Variants in GCNT2 observed in about 807,000 individuals in gnomAD.
GCNT2 encodes glucosaminyl (N-acetyl) transferase 2 (I blood group), also known as N-acetyllactosaminide beta-1,6-N-acetylglucosaminyl-transferase.
Under a neutral mutation model 34.2 loss-of-function variants are expected in GCNT2, and 34 were observed. The ratio of observed to expected loss-of-function variants is 1.00; its 90% CI spans 0.76 to 1.32. GCNT2 has a LOEUF of 1.32. Among genes scored for constraint, GCNT2 ranks in the 40% most tolerant of loss-of-function variants. The pLI, the probability that GCNT2 is intolerant of heterozygous loss-of-function variation, is 0.00. For synonymous variants in GCNT2, 212 were observed against 188.0 expected (o/e 1.13, Z -1.04); for missense variants, 584 against 489.4 (o/e 1.19, Z -1.82).
At chr6:10,581,820 C>G in intron 3 of GCNT2, 3 of 984,806 alleles carry the variant, frequency 3.0e-6, no homozygotes, top group Non-Finnish European at 3.6e-6. Flanking sequence ...TCCACAAGAC[C>G]TGCCAAGGAC....
chr6:10,565,796 T>C (rs542699390), intron 3 of GCNT2, among the ~76,000 whole-genome samples: 8 of 152,148 alleles, frequency 5.3e-5, no homozygotes, highest in Non-Finnish European at 1.2e-4. Context: ...CGTCTACCCT[T>C]CTTCTTTCTC....
intron 3 of GCNT2, among the ~76,000 whole-genome samples, chr6:10,611,665 CA>C (rs1765563204): frequency 6.6e-6 from 1 of 152,162 alleles, no homozygotes; most frequent in Middle Eastern, 3.4e-3. Flanking sequence ...CCCAAATTAG[CA>C]ATCAGAATAA....
intron 3 of GCNT2, among the ~76,000 whole-genome samples, chr6:10,564,060 T>G (rs1007540304): frequency 6.6e-6 from 1 of 152,108 alleles, no homozygotes; most frequent in Non-Finnish European, 1.5e-5. Context: ...CATCCTGATA[T>G]TCAGCCCATT....
chr6:10,585,032 A>AGT (rs57538079), intron 3 of GCNT2, among the ~76,000 whole-genome samples: 7,986 of 127,366 alleles, frequency 0.063, 255 homozygotes, highest in Non-Finnish European at 0.082. Flanking sequence ...TCCCATAGTC[A>AGT]GTGTGTGTGT....
chr6:10,553,578 C>G (rs1243643782), intron 3 of GCNT2, among the ~76,000 whole-genome samples: 2 of 152,200 alleles, frequency 1.3e-5, no homozygotes, highest in East Asian at 3.8e-4. Context: ...CTATGTTCTA[C>G]ATATCATCCT....
chr6:10,596,754 A>G (rs573718566), intron 3 of GCNT2, among the ~76,000 whole-genome samples: 1 of 151,696 alleles, frequency 6.6e-6, no homozygotes, highest in South Asian at 2.1e-4. Context: ...AAAGACAATG[A>G]GTCCAAAGTA....
chr6:10,544,684 C>G (rs111906632), intron 3 of GCNT2, among the ~76,000 whole-genome samples: 7,311 of 151,334 alleles, frequency 0.048, 599 homozygotes, highest in African/African-American at 0.17. Context: ...TGGCTCATGC[C>G]TGTAATAGCA....
chr6:10,526,103 T>C (rs1425640026), intron 1 of GCNT2, among the ~76,000 whole-genome samples: 5 of 152,192 alleles, frequency 3.3e-5, no homozygotes, highest in Non-Finnish European at 7.4e-5. Flanking sequence ...ATTAGAGAAA[T>C]TTTAGTCATT....
At chr6:10,531,386 C>T (rs1761479569) in intron 3 of GCNT2, among the ~76,000 whole-genome samples, 2 of 152,182 alleles carry the variant, frequency 1.3e-5, no homozygotes, top group African/African-American at 4.8e-5. Context: ...AGATCACAGT[C>T]CTGGTTTCTT....
In GCNT2 at chr6:10,626,969, T is replaced by C. The variant is rs1766285748; in HGVS notation, c.*362T>C. 1.3e-5 allele frequency: 3 copies of C among 231,104 alleles called. No individual in the cohort carries two copies. In the South Asian group the frequency reaches 2.0e-4, roughly 16 times the overall value. 14.3% of individuals were successfully genotyped at this position (231,104 alleles called of 1,614,324 possible). The stretch of plus-strand genomic sequence containing the variant: ...AAAGAGAATTGTAGATAATACTGTC[T>C]AGGAAAATAAGAATTAGGTTTCTTT... On this transcript the variant is annotated 3_prime_UTR_variant, in exon 5 of 5. Coordinates refer to ENST00000495262, the MANE Select transcript of GCNT2 (RefSeq NM_145649.5).
At chr6:10,614,814 A>C (rs1172269422) in intron 3 of GCNT2, among the ~76,000 whole-genome samples, 7 of 152,108 alleles carry the variant, frequency 4.6e-5, no homozygotes, top group Admixed American at 3.9e-4. Context: ...GACTGAGTCA[A>C]TGGGGCCACC....
chr6:10,564,797 A>G (rs1763204153), intron 3 of GCNT2, among the ~76,000 whole-genome samples: 1 of 152,240 alleles, frequency 6.6e-6, no homozygotes, highest in African/African-American at 2.4e-5. Flanking sequence ...CATTTAATAA[A>G]TATTTATGGA....
chr6:10,557,187 A>T (rs1196966758), intron 3 of GCNT2: 1 of 1,554,956 alleles, frequency 6.4e-7, no homozygotes, highest in Non-Finnish European at 8.7e-7. Context: ...CCCCCCCATA[A>T]TCTCACAATT....
At chr6:10,556,774 G>GC (rs1762728533) in intron 3 of GCNT2, 1 of 1,613,976 alleles carries the variant, frequency 6.2e-7, no homozygotes, top group Non-Finnish European at 8.5e-7. Flanking sequence ...CTATTTACAT[G>GC]CCCCAAAATA....
Position 10,626,675 on chromosome 6 carries a change from G to T in GCNT2, c.*68G>T. 2.5e-6 allele frequency: 3 copies of T among 1,199,342 alleles called. No homozygotes were observed. The highest frequency in any genetic ancestry group is 3.7e-6 in the Non-Finnish European group (3 of 806,566). The allele number at this position is 1,199,342 out of a possible 1,614,324, so 74.3% of individuals were successfully genotyped here. ...GGAAGAGGAGCCTGTTTTTGTGAGA[G>T]ACTTTTGCCTTCGTAATGTTAACCG... On this transcript the variant is annotated 3_prime_UTR_variant, in exon 5 of 5. Transcript: ENST00000495262.
intron 3 of GCNT2, among the ~76,000 whole-genome samples, chr6:10,611,631 T>C (rs1195185811): frequency 1.3e-5 from 2 of 152,138 alleles, no homozygotes; most frequent in African/African-American, 4.8e-5. Flanking sequence ...GCCCGGCCTA[T>C]GTACTTTGAA....
chr6:10,564,500 T>C (rs1763190131), intron 3 of GCNT2, among the ~76,000 whole-genome samples: 1 of 152,176 alleles, frequency 6.6e-6, no homozygotes, highest in Non-Finnish European at 1.5e-5. Flanking sequence ...GAGAACCAGG[T>C]TGGACTCCTG....
intron 3 of GCNT2, among the ~76,000 whole-genome samples, chr6:10,585,031 CAGTGTG>C (rs1180404086): frequency 1.0e-5 from 1 of 97,264 alleles, no homozygotes; most frequent in East Asian, 3.0e-4. Context: ...TTCCCATAGT[CAGTGTG>C]TGTGTGTGTG....
chr6:10,534,391 C>T (rs1761664787), intron 3 of GCNT2, among the ~76,000 whole-genome samples: 1 of 152,018 alleles, frequency 6.6e-6, no homozygotes, highest in African/African-American at 2.4e-5. Context: ...CTGCCTTGGC[C>T]TCCCAAAATG....
Sources: gnomAD v4.1 joint callset for allele counts (sites outside exome capture counted in the v4.1 genomes callset) on GRCh38, gnomAD v4.1.1 for gene constraint, MANE v1.5 for transcripts, NCBI Gene and HGNC (gene_info 2026-07-23, HGNC 2026-07-21) for gene names.